Variants in PXDNL observed in about 807,000 individuals in gnomAD.
The protein encoded by PXDNL is peroxidasin like.
Under a neutral mutation model 150.8 loss-of-function variants are expected in PXDNL, and 145 were observed. The ratio of observed to expected loss-of-function variants is 0.96; its 90% CI spans 0.84 to 1.10. The LOEUF (loss-of-function observed/expected upper bound fraction) is 1.10, where lower values mean the gene tolerates loss of function less well. Ranked by LOEUF, PXDNL falls within the 50% of genes least tolerant of loss-of-function variation. PXDNL has a pLI of 0.00. For synonymous variants in PXDNL, 757 were observed against 725.7 expected (o/e 1.04, Z -0.69); for missense variants, 2,087 against 1,873.9 (o/e 1.11, Z -2.10).
chr8:51,498,197 C>T (rs1263130364), intron 5 of PXDNL, among the ~76,000 whole-genome samples: 4 of 150,018 alleles, frequency 2.7e-5, no homozygotes, highest in Non-Finnish European at 4.4e-5. Context: ...AACGAAACAC[C>T]GCATGTTGTC....
chr8:51,716,570 G>T (rs1816620497), intron 1 of PXDNL, among the ~76,000 whole-genome samples: 1 of 152,246 alleles, frequency 6.6e-6, no homozygotes, highest in South Asian at 2.1e-4. Flanking sequence ...GGCCCTGTGA[G>T]TGATAAAAGA....
At chr8:51,382,705 A>T (rs1181210494) in intron 17 of PXDNL, among the ~76,000 whole-genome samples, 1 of 152,206 alleles carries the variant, frequency 6.6e-6, no homozygotes, top group Non-Finnish European at 1.5e-5. Flanking sequence ...AGTTAAAAAA[A>T]AAGATATATT....
chr8:51,793,179 G>A (rs1049708589), intron 1 of PXDNL, among the ~76,000 whole-genome samples: 2 of 152,162 alleles, frequency 1.3e-5, no homozygotes, highest in African/African-American at 2.4e-5. Context: ...ACACTTGCAC[G>A]AGGGACCCAG....
At chr8:51,723,533 T>C (rs1047197729) in intron 1 of PXDNL, among the ~76,000 whole-genome samples, 1 of 152,214 alleles carries the variant, frequency 6.6e-6, no homozygotes, top group Non-Finnish European at 1.5e-5. Flanking sequence ...GGAAAGGCTC[T>C]GCTGTGGCCC....
At chr8:51,386,611 G>C (rs988474460) in intron 17 of PXDNL, among the ~76,000 whole-genome samples, 1 of 152,036 alleles carries the variant, frequency 6.6e-6, no homozygotes, top group Non-Finnish European at 1.5e-5. Flanking sequence ...TATATAGGTA[G>C]TTAAGTGGAT....
chr8:51,553,668 T>A (rs1317161791), intron 4 of PXDNL, among the ~76,000 whole-genome samples: 1 of 151,372 alleles, frequency 6.6e-6, no homozygotes, highest in Admixed American at 6.6e-5. Context: ...ATGAACTCTA[T>A]CAACAAATGT....
intron 1 of PXDNL, among the ~76,000 whole-genome samples, chr8:51,725,080 G>A (rs1585703593): frequency 2.6e-5 from 4 of 152,006 alleles, no homozygotes; most frequent in Admixed American, 6.5e-5. Context: ...TTCGAACTCC[G>A]GGTGTTTATT....
chr8:51,556,478 G>A (rs907767879), intron 4 of PXDNL, among the ~76,000 whole-genome samples: 1 of 152,088 alleles, frequency 6.6e-6, no homozygotes, highest in Non-Finnish European at 1.5e-5. Context: ...TTTAAGTCAA[G>A]TAATAAACAT....
At chr8:51,342,416 T>C (rs948332016) in intron 20 of PXDNL, among the ~76,000 whole-genome samples, 3 of 152,142 alleles carry the variant, frequency 2.0e-5, no homozygotes, top group African/African-American at 7.2e-5. Context: ...AAAAAAATTG[T>C]TTAAGCAGAA....
chr8:51,508,060 A>G (rs1271904511), intron 4 of PXDNL, among the ~76,000 whole-genome samples: 1 of 152,180 alleles, frequency 6.6e-6, no homozygotes, highest in East Asian at 1.9e-4. Context: ...GGAAAGAATT[A>G]ATAGAAGCAA....
chr8:51,457,089 C>T (rs950136610), intron 9 of PXDNL, among the ~76,000 whole-genome samples: 17 of 152,172 alleles, frequency 1.1e-4, no homozygotes, highest in East Asian at 3.8e-4. Flanking sequence ...GAATAAGGAA[C>T]GTGGTTGATA....
intron 1 of PXDNL, among the ~76,000 whole-genome samples, chr8:51,735,890 A>C (rs1464286747): frequency 1.3e-5 from 2 of 152,188 alleles, no homozygotes; most frequent in East Asian, 3.9e-4. Context: ...TTAATAGCCT[A>C]AAAAGAGATA....
intron 3 of PXDNL, among the ~76,000 whole-genome samples, chr8:51,557,311 C>T (rs190362566): frequency 6.6e-6 from 1 of 152,234 alleles, no homozygotes; most frequent in East Asian, 1.9e-4. Context: ...TGGGATTCAT[C>T]TTAAGGGGAT....
intron 4 of PXDNL, among the ~76,000 whole-genome samples, chr8:51,525,977 T>C (rs187926482): frequency 1.3e-5 from 2 of 152,262 alleles, no homozygotes; most frequent in Non-Finnish European, 1.5e-5. Flanking sequence ...ACTCATACGG[T>C]TCTTGTTAGG....
intron 19 of PXDNL, among the ~76,000 whole-genome samples, chr8:51,364,188 G>T (rs568225996): frequency 3.3e-5 from 5 of 152,298 alleles, no homozygotes; most frequent in African/African-American, 1.2e-4. Context: ...GGTAAAGAAA[G>T]CTTTACATGG....
chr8:51,453,390 A>T, intron 10 of PXDNL, 129 bp downstream of exon 10: 1 of 1,021,754 alleles, frequency 9.8e-7, no homozygotes, highest in Non-Finnish European at 1.4e-6. Flanking sequence ...TGAAAATCTT[A>T]TTGTGTCAAA....
intron 2 of PXDNL, among the ~76,000 whole-genome samples, chr8:51,634,373 G>C (rs908974825): frequency 2.2e-4 from 33 of 152,144 alleles, no homozygotes; most frequent in African/African-American, 6.5e-4. Flanking sequence ...TGCTGTTTTG[G>C]TTACTATAGC....
chr8:51,322,900 G>A (rs1805371400), intron 21 of PXDNL, among the ~76,000 whole-genome samples: 1 of 152,154 alleles, frequency 6.6e-6, no homozygotes, highest in Non-Finnish European at 1.5e-5. Flanking sequence ...TTCAGTACCT[G>A]ATATGTACCA....
chr8:51,403,989 T>G (rs961235778), intron 17 of PXDNL, among the ~76,000 whole-genome samples: 4 of 152,036 alleles, frequency 2.6e-5, no homozygotes, highest in African/African-American at 9.7e-5. Flanking sequence ...GCTTCAAGAG[T>G]GAAATTGCAG....
Sources: gnomAD v4.1 joint callset for allele counts (sites outside exome capture counted in the v4.1 genomes callset) on GRCh38, gnomAD v4.1.1 for gene constraint, MANE v1.5 for transcripts, NCBI Gene and HGNC (gene_info 2026-07-23, HGNC 2026-07-21) for gene names.